Variants in TENM3 observed in about 807,000 individuals in gnomAD.
The protein encoded by TENM3 is teneurin-3.
A neutral mutation model predicts 255.1 loss-of-function variants in TENM3; 63 were observed. The observed-to-expected ratio is 0.25, with a 90% CI of 0.20 to 0.30. TENM3 has a LOEUF of 0.30. Ranked by LOEUF, TENM3 falls within the 10% of genes least tolerant of loss-of-function variation. The probability of loss-of-function intolerance (pLI) is 1.00; values close to 1 mark genes in which losing one functional copy is unlikely to be tolerated. For missense variants in TENM3, 2,929 were observed against 3,461.1 expected (o/e 0.85, Z 3.86); for synonymous variants, 1,306 against 1,322.3 (o/e 0.99, Z 0.27).
chr4:181,930,139 C>T, the TENM3 span, among the ~76,000 whole-genome samples: 1 of 152,046 alleles, frequency 6.6e-6, no homozygotes, highest in South Asian at 2.1e-4. Context: ...CAAACAAAAT[C>T]AAAAGCTAAC....
At chr4:181,457,096 C>T in the TENM3 span, among the ~76,000 whole-genome samples, 1 of 151,634 alleles carries the variant, frequency 6.6e-6, no homozygotes, top group Non-Finnish European at 1.5e-5. Flanking sequence ...CAAAACACTG[C>T]AAGAGAAAGT....
At chr4:182,361,339 C>T (rs1485955310) in intron 3 of TENM3, among the ~76,000 whole-genome samples, 5 of 152,162 alleles carry the variant, frequency 3.3e-5, no homozygotes, top group Admixed American at 6.5e-5. Context: ...CCATTCTCCC[C>T]GTCACTTTCA....
chr4:182,019,460 G>A, the TENM3 span, among the ~76,000 whole-genome samples: 1 of 152,052 alleles, frequency 6.6e-6, no homozygotes, highest in Non-Finnish European at 1.5e-5. Flanking sequence ...CTTCTCTAAG[G>A]TTTAATGCCA....
chr4:181,649,255 C>T, the TENM3 span, among the ~76,000 whole-genome samples: 2 of 152,172 alleles, frequency 1.3e-5, no homozygotes, highest in African/African-American at 4.8e-5. Context: ...AGCCTCTTTT[C>T]CGTCAGTGAT....
chr4:182,645,558 G>A (rs555683944), intron 5 of TENM3, among the ~76,000 whole-genome samples: 3 of 152,254 alleles, frequency 2.0e-5, no homozygotes, highest in African/African-American at 7.2e-5. Context: ...TTAGCTGGGT[G>A]CCTCTGCCTC....
chr4:181,849,949 T>TCTCTCTCTCTCTCA, the TENM3 span, among the ~76,000 whole-genome samples: 102 of 65,960 alleles, frequency 1.5e-3, no homozygotes, highest in Admixed American at 4.4e-3. Context: ...TCTCTCTCTC[T>TCTCTCTCTCTCTCA]CACACACACA....
intron 4 of TENM3, among the ~76,000 whole-genome samples, chr4:182,607,632 A>G (rs917490911): frequency 4.6e-5 from 7 of 152,168 alleles, no homozygotes; most frequent in African/African-American, 1.7e-4. Flanking sequence ...GTGCATGATA[A>G]AAGTACTGTA....
At chr4:181,755,961 C>T in the TENM3 span, among the ~76,000 whole-genome samples, 17 of 152,178 alleles carry the variant, frequency 1.1e-4, no homozygotes, top group African/African-American at 3.9e-4. Context: ...TGCACTGTCA[C>T]GTCATTGATA....
At chr4:182,713,465 G>A in intron 12 of TENM3, among the ~76,000 whole-genome samples, 1 of 152,188 alleles carries the variant, frequency 6.6e-6, no homozygotes, top group East Asian at 1.9e-4. Context: ...TCTGTGACAA[G>A]GAATGTACTC....
intron 2 of TENM3, among the ~76,000 whole-genome samples, chr4:182,338,398 A>G (rs1764274656): frequency 6.6e-6 from 1 of 152,208 alleles, no homozygotes; most frequent in Non-Finnish European, 1.5e-5. Context: ...TGTGTCATAG[A>G]TGGGACCAGA....
chr4:182,662,207 C>T (rs993747663), intron 6 of TENM3, among the ~76,000 whole-genome samples: 1 of 152,062 alleles, frequency 6.6e-6, no homozygotes, highest in Non-Finnish European at 1.5e-5. Flanking sequence ...AATAGCTTTG[C>T]GTATGTGGTC....
the TENM3 span, chr4:182,081,646 T>C: frequency 6.8e-6 from 1 of 147,988 alleles, no homozygotes; most frequent in Admixed American, 6.7e-5. Flanking sequence ...TCAAGGCCAA[T>C]GCCAAGCACA....
the TENM3 span, among the ~76,000 whole-genome samples, chr4:181,526,845 TTCTCTC>T: frequency 6.6e-6 from 1 of 152,214 alleles, no homozygotes; most frequent in African/African-American, 2.4e-5. Flanking sequence ...TTCTCCGAGC[TTCTCTC>T]TCTCTATCAG....
intron 3 of TENM3, among the ~76,000 whole-genome samples, chr4:182,591,867 C>T (rs866348774): frequency 5.9e-5 from 9 of 151,992 alleles, no homozygotes; most frequent in Non-Finnish European, 1.0e-4. Context: ...AAAAGAAAAC[C>T]CCTGAATATC....
At chr4:182,301,414 C>T (rs537039438) in intron 1 of TENM3, among the ~76,000 whole-genome samples, 8 of 152,312 alleles carry the variant, frequency 5.3e-5, no homozygotes, top group East Asian at 1.9e-4. Context: ...TTCCTCCCCC[C>T]ATTCAGCACA....
the TENM3 span, among the ~76,000 whole-genome samples, chr4:181,944,433 A>G: frequency 0.56 from 85,818 of 151,952 alleles, 24,826 homozygotes; most frequent in African/African-American, 0.65. Context: ...ACACTGGCGA[A>G]GGGGGATCCT....
chr4:182,332,646 A>T (rs1007298141), intron 2 of TENM3, among the ~76,000 whole-genome samples: 2 of 151,812 alleles, frequency 1.3e-5, no homozygotes, highest in African/African-American at 4.8e-5. Context: ...GTGAGCCAAG[A>T]TCACGCCACT....
chr4:182,392,367 A>G (rs1393018825), intron 3 of TENM3, among the ~76,000 whole-genome samples: 2 of 152,218 alleles, frequency 1.3e-5, no homozygotes, highest in Non-Finnish European at 2.9e-5. Flanking sequence ...TCACTTTACC[A>G]CCCAGCTTGC....
intron 1 of TENM3, among the ~76,000 whole-genome samples, chr4:182,166,273 A>G (rs1316447829): frequency 6.6e-6 from 1 of 152,208 alleles, no homozygotes; most frequent in African/African-American, 2.4e-5. Context: ...AAGGCAGATA[A>G]TGTCATAGCA....
Sources: gnomAD v4.1 joint callset for allele counts (sites outside exome capture counted in the v4.1 genomes callset) on GRCh38, gnomAD v4.1.1 for gene constraint, MANE v1.5 for transcripts, NCBI Gene and HGNC (gene_info 2026-07-23, HGNC 2026-07-21) for gene names.